PHACTR1: variants seen among roughly 807,000 people sequenced by gnomAD.
PHACTR1 encodes phosphatase and actin regulator 1.
Under a neutral mutation model 69.2 loss-of-function variants are expected in PHACTR1, and 16 were observed. The observed-to-expected ratio is 0.23, with a 90% confidence interval of 0.16 to 0.35. The LOEUF is 0.35. Among genes scored for constraint, PHACTR1 ranks in the 10% least tolerant of loss-of-function variants. The pLI, the probability that PHACTR1 is intolerant of heterozygous loss-of-function variation, is 1.00. For synonymous variants in PHACTR1, 312 were observed against 284.5 expected, an observed-to-expected ratio of 1.10 and a Z score of -0.97; for missense variants, 510 against 734.7, an observed-to-expected ratio of 0.69 and a Z score of 3.54.
At chr6:12,750,437 A>C (rs1766460579) in intron 4 of PHACTR1, among the ~76,000 whole-genome samples, 1 of 151,564 alleles carries the variant, frequency 6.6e-6, no homozygotes, top group Non-Finnish European at 1.5e-5. Context: ...GAGAGAAGAA[A>C]TGAGAAGGGA....
chr6:12,879,040 G>A (rs184442258), intron 4 of PHACTR1, among the ~76,000 whole-genome samples: 64 of 152,268 alleles, frequency 4.2e-4, no homozygotes, highest in Non-Finnish European at 1.8e-4. Flanking sequence ...GTAGTGTGAT[G>A]GCTCACAGTT....
At chr6:13,117,554 C>T (rs556317328) in intron 5 of PHACTR1, among the ~76,000 whole-genome samples, 10 of 152,256 alleles carry the variant, frequency 6.6e-5, no homozygotes, top group South Asian at 4.1e-4. Flanking sequence ...GTTTTTATTT[C>T]GCACCTGTTG....
chr6:12,861,044 CA>C (rs1371211153), intron 4 of PHACTR1, among the ~76,000 whole-genome samples: 1 of 152,186 alleles, frequency 6.6e-6, no homozygotes, highest in Admixed American at 6.5e-5. Flanking sequence ...CCTTTCTTCC[CA>C]AAACACTCAC....
chr6:13,141,724 C>CTTTTTTTTTTTTTTTTTTTTTTTTTTCT (rs577073698), intron 5 of PHACTR1, among the ~76,000 whole-genome samples: 8 of 89,820 alleles, frequency 8.9e-5, no homozygotes, highest in Non-Finnish European at 1.6e-4. Flanking sequence ...TTTCTTCTTT[C>CTTTTTTTTTTTTTTTTTTTTTTTTTTCT]TTTTTTTTTT....
chr6:13,281,829 G>A (rs1211271427), intron 12 of PHACTR1, among the ~76,000 whole-genome samples: 2 of 152,188 alleles, frequency 1.3e-5, no homozygotes, highest in Admixed American at 6.5e-5. Context: ...GGGTTCCCGC[G>A]ACAGGCCCAC....
At chr6:13,209,156 T>A (rs1150615) in intron 8 of PHACTR1, among the ~76,000 whole-genome samples, 15,948 of 152,098 alleles carry the variant, frequency 0.1, 1,145 homozygotes, top group African/African-American at 0.21. Flanking sequence ...GATTTTTCTG[T>A]GTGTCTCCAG....
At chr6:13,149,791 T>C (rs1561903600) in intron 5 of PHACTR1, among the ~76,000 whole-genome samples, 1 of 151,844 alleles carries the variant, frequency 6.6e-6, no homozygotes, top group Non-Finnish European at 1.5e-5. Context: ...CAACACAAAT[T>C]CGTAAACTTT....
chr6:13,052,349 A>ATG (rs1323007912), intron 4 of PHACTR1, among the ~76,000 whole-genome samples: 1 of 152,240 alleles, frequency 6.6e-6, no homozygotes, highest in African/African-American at 2.4e-5. Flanking sequence ...CTTGCAAGGA[A>ATG]TGCATAGGTT....
intron 10 of PHACTR1, chr6:13,266,795 A>G (rs1346897280): frequency 6.6e-6 from 1 of 152,238 alleles, no homozygotes; most frequent in Non-Finnish European, 1.5e-5. Context: ...CGTTCATGAA[A>G]AACTACCCCC....
intron 4 of PHACTR1, among the ~76,000 whole-genome samples, chr6:12,884,020 A>G (rs1783379325): frequency 6.6e-6 from 1 of 151,978 alleles, no homozygotes; most frequent in Non-Finnish European, 1.5e-5. Flanking sequence ...ACACACATGT[A>G]GCCACATACA....
At chr6:13,001,075 G>T (rs1798045649) in intron 4 of PHACTR1, among the ~76,000 whole-genome samples, 1 of 152,180 alleles carries the variant, frequency 6.6e-6, no homozygotes, top group African/African-American at 2.4e-5. Context: ...TCCTAGGAAA[G>T]GTTTATGATG....
At chr6:12,898,403 C>T (rs1362229035) in intron 4 of PHACTR1, among the ~76,000 whole-genome samples, 1 of 152,174 alleles carries the variant, frequency 6.6e-6, no homozygotes, top group East Asian at 1.9e-4. Context: ...ACAACCCCAA[C>T]ATGTCCCCGA....
chr6:13,208,073 T>G (rs1370719256), intron 8 of PHACTR1, among the ~76,000 whole-genome samples: 1 of 152,260 alleles, frequency 6.6e-6, no homozygotes, highest in Non-Finnish European at 1.5e-5. Context: ...CATTGGCAAC[T>G]ATTCTTGTTA....
At chr6:12,784,548 CATAT>C (rs1187748192) in intron 4 of PHACTR1, among the ~76,000 whole-genome samples, 3 of 151,260 alleles carry the variant, frequency 2.0e-5, no homozygotes, top group Non-Finnish European at 2.9e-5. Flanking sequence ...CATATACACA[CATAT>C]ATATCTATAC....
intron 5 of PHACTR1, among the ~76,000 whole-genome samples, chr6:13,061,173 A>G (rs1807623217): frequency 2.0e-5 from 3 of 152,138 alleles, no homozygotes; most frequent in South Asian, 4.1e-4. Flanking sequence ...CTTTTCTCTT[A>G]TAAGGGTACC....
chr6:13,157,307 C>T (rs1458546316), intron 5 of PHACTR1, among the ~76,000 whole-genome samples: 4 of 152,226 alleles, frequency 2.6e-5, no homozygotes, highest in Non-Finnish European at 4.4e-5. Flanking sequence ...TTACCATATG[C>T]TCTGATAGGA....
At chr6:12,821,024 A>G (rs1776144996) in intron 4 of PHACTR1, among the ~76,000 whole-genome samples, 1 of 152,216 alleles carries the variant, frequency 6.6e-6, no homozygotes, top group African/African-American at 2.4e-5. Flanking sequence ...AAAACCTGGT[A>G]TAGAGATCTA....
At chr6:13,098,298 G>A (rs1025724784) in intron 5 of PHACTR1, among the ~76,000 whole-genome samples, 4 of 152,028 alleles carry the variant, frequency 2.6e-5, no homozygotes, top group Non-Finnish European at 5.9e-5. Context: ...CTTATTTAAG[G>A]CCCTCTTCTC....
chr6:12,999,320 C>A (rs569332075), intron 4 of PHACTR1, among the ~76,000 whole-genome samples: 216 of 152,328 alleles, frequency 1.4e-3, no homozygotes, highest in Non-Finnish European at 2.0e-3. Flanking sequence ...TACGTTGAGG[C>A]CGGGCATGGT....
Sources: allele counts gnomAD v4.1 joint callset (sites outside exome capture counted in the v4.1 genomes callset), GRCh38; gene constraint gnomAD v4.1.1; transcripts MANE v1.5; gene names NCBI Gene and HGNC (gene_info 2026-07-23, HGNC 2026-07-21).